WDR81: variants seen among roughly 807,000 people sequenced by gnomAD.
The protein encoded by WDR81 is WD repeat-containing protein 81.
WDR81 carries 92 observed loss-of-function variants against 140.8 expected under a neutral mutation model. The ratio of observed to expected loss-of-function variants is 0.65; its 90% CI spans 0.55 to 0.78. The LOEUF is 0.78. WDR81 is among the 30% of genes least tolerant of loss of function. WDR81 has a pLI of 0.00. For missense variants in WDR81, 2,502 were observed against 2,636.4 expected, an observed-to-expected ratio of 0.95 and a Z score of 1.12; for synonymous variants, 1,183 against 1,156.4, an observed-to-expected ratio of 1.02 and a Z score of -0.47.
chr17:1,726,423 G>A lies in WDR81; in HGVS notation c.1464G>A (p.Pro488=), dbSNP rs752758994. Residue 488 remains proline (P), a synonymous_variant, in exon 1 of 10, where the codon CCG becomes CCA. Transcript: ENST00000409644. ...ASMERMQNWT[P]DECIPEFYTD... is the part of the protein sequence containing the mutation. The stretch of plus-strand genomic sequence containing the variant: ...TGGAGCGGATGCAGAACTGGACCCC[G>A]GATGAGTGCATTCCGGAGTTCTACA... 61 of 1,547,764 alleles carry A rather than the reference G, an allele frequency of 3.9e-5. No individual in the cohort carries two copies. The highest frequency in any genetic ancestry group is 7.9e-5 in the Admixed American group (4 of 50,770).
intron 1 of WDR81, among the ~76,000 whole-genome samples, chr17:1,718,158 C>T (rs1390921670): frequency 2.6e-5 from 4 of 151,916 alleles, no homozygotes; most frequent in African/African-American, 7.3e-5. Context: ...CGCTCTGTTG[C>T]CCAGGCTGGA....
In WDR81 at chr17:1,731,197, C is replaced by T. The variant is rs1904321741; in HGVS notation, c.4096C>T (p.Pro1366Ser). Residue 1366 changes from proline (P) to serine (S), a missense_variant, in exon 4 of 10, where the codon CCC becomes TCC. Coordinates refer to ENST00000409644, the MANE Select transcript of WDR81 (RefSeq NM_001163809.2). ...AGACACCACACTCATGGACATCCTG[C>T]CCCGGATCAGCCATGAGGTCCTGCT... is the stretch of plus-strand genomic sequence containing the variant. The part of the protein sequence containing the change: ...LSDTTLMDIL[P>S]RISHEVLLPV... The T allele has an allele frequency of 1.2e-6, 2 of 1,613,628 alleles. No homozygotes were observed. Among genetic ancestry groups the T allele is most frequent in the Non-Finnish European group, 1.7e-6 (2 of 1,180,024 alleles).
At chr17:1,723,447 ATTTATTTATT>A (rs1207539292), upstream of WDR81, among the ~76,000 whole-genome samples, 11 of 129,904 alleles carry the variant, frequency 8.5e-5, no homozygotes, top group African/African-American at 1.2e-4. Context: ...TTTTATTTTT[ATTTATTTATT>A]TTTATTTATT....
chr17:1,732,926 G>T, intron 6 of WDR81, 95 bp downstream of exon 6: 1 of 1,466,270 alleles, frequency 6.8e-7, no homozygotes, highest in Non-Finnish European at 9.1e-7. Flanking sequence ...TCAGCAGTGG[G>T]TTCTAAGAGC....
chr17:1,731,002 C>T, intron 3 of WDR81, 57 bp downstream of exon 3: 1 of 1,604,562 alleles, frequency 6.2e-7, no homozygotes, highest in African/African-American at 1.3e-5. Context: ...TGAGGGCCGG[C>T]CCGGGCTCTC....
intron 1 of WDR81, among the ~76,000 whole-genome samples, chr17:1,730,121 T>C (rs1405018493): frequency 1.3e-5 from 2 of 152,092 alleles, no homozygotes; most frequent in Non-Finnish European, 2.9e-5. Context: ...TTAAGGAGTT[T>C]CAGAAGACCC....
At position 1,733,559 on chromosome 17, in the gene WDR81, G is replaced by T; in HGVS notation, c.4522G>T (p.Glu1508Ter). The T allele has an allele frequency of 6.6e-7, 1 of 1,519,792 alleles. No individual in the cohort carries two copies. Among genetic ancestry groups the T allele is most frequent in the Non-Finnish European group, 8.8e-7 (1 of 1,134,966 alleles). 94.1% of individuals were successfully genotyped at this position (1,519,792 alleles called of 1,614,324 possible). A position where few individuals can be genotyped will look rare whatever the true frequency, so the allele number is the denominator to read the frequency against. Residue 1508 changes from glutamate to a stop codon, truncating the protein, a stop_gained, in exon 7 of 10, where the codon GAG becomes TAG. Coordinates refer to ENST00000409644, the MANE Select transcript of WDR81 (RefSeq NM_001163809.2). LOFTEE classifies it high-confidence loss of function. ...DIIRKIIPNH[E>*]LVGELAALYL... ...CATCCGGAAAATCATCCCCAACCAC[G>T]AGCTGGTTGGGGAGCTGGCGGCGCT...
At position 1,726,199 on chromosome 17, in the gene WDR81, G is replaced by A; in HGVS notation, c.1240G>A (p.Asp414Asn). Residue 414 changes from aspartate to asparagine, a missense_variant, in exon 1 of 10, where the codon GAC becomes AAC. By Grantham distance (23) the Asp-to-Asn change is conservative. Transcript: ENST00000409644. Reference sequence around the variant, plus strand: ...CCTCAACAAGGGGGATAAGCAACTGGACTTCACGTATGAGATGACACGGCA... The same window carrying A: ...CCTCAACAAGGGGGATAAGCAACTGAACTTCACGTATGAGATGACACGGCA... Reference protein sequence around the residue: ...FRLNKGDKQLDFTYEMTRQAF... With the variant: ...FRLNKGDKQLNFTYEMTRQAF... The A allele has an allele frequency of 3.3e-6, 5 of 1,525,068 alleles. No homozygotes were observed. The highest frequency in any genetic ancestry group is 4.4e-6 in the Non-Finnish European group (5 of 1,130,590). The allele number at this position is 1,525,068 out of a possible 1,614,324, so 94.5% of individuals were successfully genotyped here. A position where few individuals can be genotyped will look rare whatever the true frequency, so the allele number is the denominator to read the frequency against.
At position 1,725,567 on chromosome 17, in the gene WDR81, G is replaced by A; in HGVS notation, c.608G>A (p.Arg203Lys). The A allele has an allele frequency of 1.3e-6, 2 of 1,545,140 alleles. No individual in the cohort carries two copies. The highest frequency in any genetic ancestry group is 2.4e-5 in the South Asian group (2 of 84,064). Residue 203 changes from arginine to lysine, a missense_variant, in exon 1 of 10, where the codon AGA (arginine) becomes AAA (lysine). This residue lies in a region of WDR81 where 547 missense variants were observed against 513.8 expected (regional missense o/e 1.06). Coordinates refer to ENST00000409644, the MANE Select transcript of WDR81 (RefSeq NM_001163809.2). Reference protein sequence around the residue: ...GETTQCPSYAREGPCPPRGSP... With the variant: ...GETTQCPSYAKEGPCPPRGSP... Reference sequence around the variant, plus strand: ...ACTACCCAATGCCCTTCATATGCCAGAGAAGGCCCCTGCCCCCCTCGGGGC... The same window carrying A: ...ACTACCCAATGCCCTTCATATGCCAAAGAAGGCCCCTGCCCCCCTCGGGGC...
chr17:1,730,760 A>G lies in WDR81; in HGVS notation c.3781A>G (p.Thr1261Ala). ...TGCTGGCCCTTCCGTGGCAGGACCC[A>G]CTCGGCAGCAGTTCACAGTGAGCAG... ...RLLTSCYVGPTRQQFTVSSGE... is the reference protein window; with the variant it reads ...RLLTSCYVGPARQQFTVSSGE... Residue 1261 changes from threonine (T) to alanine (A), a missense_variant, in exon 3 of 10, where the codon ACT (threonine) becomes GCT (alanine). Around this residue, in one of 3 missense-constraint regions of WDR81, gnomAD observed 1,737 missense variants for 1,843.0 expected, o/e 0.94. Coordinates refer to ENST00000409644, the MANE Select transcript of WDR81 (RefSeq NM_001163809.2). 6.2e-7 allele frequency: 1 copy of G among 1,607,058 alleles called. No individual in the cohort carries two copies. Among genetic ancestry groups the G allele is most frequent in the Non-Finnish European group, 8.5e-7 (1 of 1,176,888 alleles).
At chr17:1,717,404 C>T (rs1172898704) in intron 1 of WDR81, among the ~76,000 whole-genome samples, 1 of 152,230 alleles carries the variant, frequency 6.6e-6, no homozygotes, top group African/African-American at 2.4e-5. Context: ...CCTTTTCCTT[C>T]AGCTCCAAAT....
In WDR81 at chr17:1,718,469, C is replaced by T. The variant is rs1294998023; in HGVS notation, c.-124+1836C>T. ...CTCAGCTGCCACCTGGTCCCTGGGCCGCTCCATTTTTGGCTTTTGGCGGTG... is the reference window on the plus strand; with the variant it reads ...CTCAGCTGCCACCTGGTCCCTGGGCTGCTCCATTTTTGGCTTTTGGCGGTG... On this transcript the variant is annotated intron_variant, in intron 1 of 10. Transcript: ENST00000309182. 3.3e-5 allele frequency among the ~76,000 whole-genome samples: 5 copies of T among 152,206 alleles called. No individual in the cohort carries two copies. In the East Asian group the frequency reaches 7.7e-4, roughly 23 times the overall value.
At position 1,725,896 on chromosome 17, in the gene WDR81, G is replaced by C. The variant is rs1341474567; in HGVS notation, c.937G>C (p.Glu313Gln). The change falls in exon 1 of 10, where the codon GAG becomes CAG. Residue 313 changes from glutamate to glutamine, a missense_variant. This residue lies in a region of WDR81 where 547 missense variants were observed against 513.8 expected (regional missense o/e 1.06). Transcript: ENST00000409644. ...TGCTTATGAGAGGCCCGAGGAGGAC[G>C]AGAATGAGGAGGCCCCTGTGGCAAG... ...LSAYERPEED[E>Q]NEEAPVARDE... is the part of the protein sequence containing the mutation. 1 of 1,550,846 alleles carries C rather than the reference G, an allele frequency of 6.4e-7. No homozygotes were observed. The highest frequency in any genetic ancestry group is 8.7e-7 in the Non-Finnish European group (1 of 1,146,950).
At chr17:1,717,007 C>G (rs1914604084) in intron 1 of WDR81, 1 of 352,642 alleles carries the variant, frequency 2.8e-6, no homozygotes, top group East Asian at 5.5e-5. Context: ...AGGTAGCTTT[C>G]TAACAAAAGA....
At chr17:1,734,814 GT>G (rs1904717898) in intron 7 of WDR81, among the ~76,000 whole-genome samples, 2 of 151,954 alleles carry the variant, frequency 1.3e-5, no homozygotes, top group Admixed American at 6.6e-5. Flanking sequence ...CACATGTAGG[GT>G]TTTGGCTTCA....
rs1597290337 is a variant in WDR81 at position 1,727,981 on chromosome 17, G to A, written c.3022G>A (p.Val1008Ile). 2.6e-6 allele frequency: 4 copies of A among 1,550,260 alleles called. No homozygotes were observed. The highest frequency in any genetic ancestry group is 1.4e-5 in the African/African-American group (1 of 73,072). ...ATTTCTCACTCACCTGCTGCCCCAT[G>A]TCCTGCAGGTGCTGGCGGGCGCAGA... ...QAFLTHLLPH[V>I]LQVLAGAEAS... is the part of the protein sequence containing the mutation. Residue 1008 changes from valine (V) to isoleucine (I), a missense_variant, in exon 1 of 10, where the codon GTC becomes ATC. Val to Ile is a conservative substitution (Grantham distance 29). Transcript: ENST00000409644.
chr17:1,725,584 C>G lies in WDR81; in HGVS notation c.625C>G (p.Pro209Ala), dbSNP rs1023998007. The G allele has an allele frequency of 8.4e-6, 13 of 1,545,106 alleles. No individual in the cohort carries two copies. In the Admixed American group the frequency reaches 1.4e-4, roughly 16 times the overall value. ...PSYAREGPCP[P>A]RGSPACPSLL... ...ATATGCCAGAGAAGGCCCCTGCCCC[C>G]CTCGGGGCAGCCCTGCTTGCCCTAG... Residue 209 changes from proline to alanine, a missense_variant, in exon 1 of 10, where the codon CCT becomes GCT. By Grantham distance (27) the Pro-to-Ala change is conservative (BLOSUM62 -1). This residue lies in a region of WDR81 where 547 missense variants were observed against 513.8 expected (regional missense o/e 1.06). Transcript: ENST00000409644.
rs1174944513 is a variant in WDR81, at chr17:1,727,614, C to G, written c.2655C>G (p.Leu885=). The change falls in exon 1 of 10, where the codon CTC becomes CTG. Residue 885 remains leucine (L), a synonymous_variant. Transcript: ENST00000409644. The part of the protein sequence containing the change: ...PYFPALHRFI[L]LYQARRVEDE... Reference sequence around the variant, plus strand: ...TCCCGGCACTGCACAGATTCATCCTCCTGTACCAGGCAAGGCGTGTGGAGG... The same window carrying G: ...TCCCGGCACTGCACAGATTCATCCTGCTGTACCAGGCAAGGCGTGTGGAGG... 1.9e-6 allele frequency: 3 copies of G among 1,550,558 alleles called. No homozygotes were observed. In the Admixed American group the frequency reaches 5.9e-5, roughly 30 times the overall value.
chr17:1,725,681 C>A lies in WDR81; in HGVS notation c.722C>A (p.Ser241Tyr). ...GTGGTACACCCTTACGTACAGTTCTCCCTACATGACGTGGTCACCTTCAGC... is the reference window on the plus strand; with the variant it reads ...GTGGTACACCCTTACGTACAGTTCTACCTACATGACGTGGTCACCTTCAGC... ...LYVVHPYVQFSLHDVVTFSPA... is the reference protein window; with the variant it reads ...LYVVHPYVQFYLHDVVTFSPA... The change falls in exon 1 of 10, where the codon TCC (serine) becomes TAC (tyrosine). Residue 241 changes from serine (S) to tyrosine (Y), a missense_variant. Coordinates refer to ENST00000409644, the MANE Select transcript of WDR81 (RefSeq NM_001163809.2). 3.2e-6 allele frequency: 5 copies of A among 1,548,846 alleles called. No individual in the cohort carries two copies. The highest frequency in any genetic ancestry group is 4.4e-6 in the Non-Finnish European group (5 of 1,147,014).
Sources: allele counts gnomAD v4.1 joint callset (sites outside exome capture counted in the v4.1 genomes callset), GRCh38; gene constraint gnomAD v4.1.1; regional missense constraint gnomAD v4.1.1; transcripts MANE v1.5; gene names NCBI Gene and HGNC (gene_info 2026-07-23, HGNC 2026-07-21).